MYO3B: variants seen among roughly 807,000 people sequenced by gnomAD.
The protein encoded by MYO3B is myosin IIIB, also known as myosin-IIIb.
Under a neutral mutation model 174.6 loss-of-function variants are expected in MYO3B, and 156 were observed. That is an observed-to-expected ratio of 0.89 (90% CI 0.78 to 1.02). MYO3B has a LOEUF of 1.02. MYO3B is among the 50% of genes least tolerant of loss of function. The pLI is 0.00. For synonymous variants in MYO3B, 563 were observed against 569.1 expected (o/e 0.99, Z 0.15); for missense variants, 1,632 against 1,639.4 (o/e 1.00, Z 0.08).
At chr2:170,331,107 C>G (rs1334457547) in intron 7 of MYO3B, among the ~76,000 whole-genome samples, 1 of 152,078 alleles carries the variant, frequency 6.6e-6, no homozygotes, top group Non-Finnish European at 1.5e-5. Flanking sequence ...GGCCCTGAGG[C>G]ATGAAAGAAT....
chr2:170,535,023 T>C (rs1674782387), intron 30 of MYO3B, among the ~76,000 whole-genome samples: 1 of 152,218 alleles, frequency 6.6e-6, no homozygotes, highest in South Asian at 2.1e-4. Flanking sequence ...TTGCAGACCC[T>C]GCCTCCAATA....
At chr2:170,350,005 A>AT (rs1212353318) in intron 8 of MYO3B, among the ~76,000 whole-genome samples, 23 of 150,526 alleles carry the variant, frequency 1.5e-4, no homozygotes, top group Middle Eastern at 6.8e-3. Flanking sequence ...ACAACTGAAC[A>AT]TTTTTTTTTC....
chr2:170,380,163 AT>A lies in MYO3B; in HGVS notation c.972-1852del, dbSNP rs147783980. ...GATATCCTCATAAGCTGTGATGTTG[AT>A]GGGCACAAAAGTGACAGAGAAGAAT... On this transcript the variant is annotated intron_variant, in intron 9 of 34. Transcript: ENST00000408978. Among the ~76,000 whole-genome samples, 627 of 152,340 alleles carry A rather than the reference AT, an allele frequency of 4.1e-3. 5 individuals carry two copies. Among genetic ancestry groups the A allele is most frequent in the African/African-American group, 0.014 (586 of 41,576 alleles).
intron 3 of MYO3B, among the ~76,000 whole-genome samples, chr2:170,204,371 C>T (rs2092694312): frequency 6.6e-6 from 1 of 152,178 alleles, no homozygotes; most frequent in Non-Finnish European, 1.5e-5. Context: ...CCTCTTAATT[C>T]TGCAAACTGA....
At chr2:170,331,462 G>T (rs1170298421) in intron 7 of MYO3B, among the ~76,000 whole-genome samples, 1 of 152,096 alleles carries the variant, frequency 6.6e-6, no homozygotes, top group Non-Finnish European at 1.5e-5. Context: ...TGAAAGAGGG[G>T]ACAGGTTATG....
intron 22 of MYO3B, among the ~76,000 whole-genome samples, chr2:170,417,203 G>A (rs941833024): frequency 1.3e-5 from 2 of 152,198 alleles, no homozygotes; most frequent in East Asian, 3.9e-4. Flanking sequence ...CCAATGGAAA[G>A]TAGCCCCTCT....
In MYO3B at chr2:170,381,866, G is replaced by A. The variant is rs964381475; in HGVS notation, c.972-150G>A. 8 of 585,614 alleles carry A rather than the reference G, an allele frequency of 1.4e-5. No individual in the cohort carries two copies. The East Asian group carries it at 2.0e-4, about 14-fold the overall frequency. 36.3% of individuals were successfully genotyped at this position (585,614 alleles called of 1,614,324 possible). On this transcript the variant is annotated intron_variant, in intron 9 of 34. Coordinates refer to ENST00000408978, the MANE Select transcript of MYO3B (RefSeq NM_138995.5). Reference sequence around the variant, plus strand: ...CAATAGTTCTACAGTGGCAGGAAAAGCCTGGGGACCTGGACTGGACTTCCT... The same window carrying A: ...CAATAGTTCTACAGTGGCAGGAAAAACCTGGGGACCTGGACTGGACTTCCT...
At chr2:170,363,468 G>A (rs1188897252) in intron 8 of MYO3B, among the ~76,000 whole-genome samples, 1 of 152,100 alleles carries the variant, frequency 6.6e-6, no homozygotes, top group African/African-American at 2.4e-5. Flanking sequence ...GCTGTGTCAC[G>A]ACAGCATTAT....
At chr2:170,644,062 T>A (rs1193267339) in intron 32 of MYO3B, 1 of 152,218 alleles carries the variant, frequency 6.6e-6, no homozygotes, top group Middle Eastern at 3.2e-3. Context: ...AGACATTTTC[T>A]TCTTCATCTC....
At chr2:170,384,370 T>C (rs770724535) in intron 12 of MYO3B, among the ~76,000 whole-genome samples, 3 of 152,202 alleles carry the variant, frequency 2.0e-5, no homozygotes, top group African/African-American at 4.8e-5. Context: ...CTAATTCACA[T>C]TGCTCATATA....
At chr2:170,606,293 A>G (rs963499529) in intron 32 of MYO3B, among the ~76,000 whole-genome samples, 20 of 152,128 alleles carry the variant, frequency 1.3e-4, no homozygotes, top group Non-Finnish European at 2.5e-4. Context: ...TTTACCTCAC[A>G]TCATGATCCC....
intron 25 of MYO3B, among the ~76,000 whole-genome samples, chr2:170,469,591 ACTCT>A (rs1246747871): frequency 6.6e-6 from 1 of 150,902 alleles, no homozygotes; most frequent in African/African-American, 2.4e-5. Context: ...CTGTTCCTTC[ACTCT>A]CTCTCTTCCA....
chr2:170,527,777 AAC>A (rs1689097721), intron 30 of MYO3B, among the ~76,000 whole-genome samples: 1 of 152,242 alleles, frequency 6.6e-6, no homozygotes, highest in Non-Finnish European at 1.5e-5. Context: ...AACCATAGGA[AAC>A]GTTTAGATGA....
intron 12 of MYO3B, among the ~76,000 whole-genome samples, chr2:170,384,729 T>TAA (rs1200515274): frequency 4.6e-5 from 7 of 152,214 alleles, no homozygotes; most frequent in African/African-American, 1.7e-4. Context: ...TGCCTCACTG[T>TAA]GTTGTCTTTT....
chr2:170,288,184 A>C (rs1559361451), intron 7 of MYO3B, among the ~76,000 whole-genome samples: 1 of 150,928 alleles, frequency 6.6e-6, no homozygotes, highest in South Asian at 2.1e-4. Context: ...CTTTTTGCTC[A>C]GGACTGATTT....
At chr2:170,188,390 A>C (rs1001551297) in intron 1 of MYO3B, among the ~76,000 whole-genome samples, 8 of 152,260 alleles carry the variant, frequency 5.3e-5, no homozygotes, top group African/African-American at 1.4e-4. Context: ...TCTTGTAGGC[A>C]GCAGATCATT....
intron 7 of MYO3B, among the ~76,000 whole-genome samples, chr2:170,307,508 A>G (rs1366298973): frequency 6.6e-6 from 1 of 152,196 alleles, no homozygotes; most frequent in East Asian, 1.9e-4. Context: ...TCAGTGGTAC[A>G]TGTGATCCTC....
At chr2:170,384,689 G>A (rs539759774) in intron 12 of MYO3B, among the ~76,000 whole-genome samples, 3 of 152,180 alleles carry the variant, frequency 2.0e-5, no homozygotes, top group Non-Finnish European at 4.4e-5. Context: ...TAAATGGAGA[G>A]AAATATATAT....
intron 32 of MYO3B, among the ~76,000 whole-genome samples, chr2:170,585,869 T>C (rs1476130632): frequency 6.6e-6 from 1 of 152,136 alleles, no homozygotes; most frequent in Non-Finnish European, 1.5e-5. Context: ...CTGGCTAACA[T>C]GGCGAAACCC....
Sources: allele counts gnomAD v4.1 joint callset (sites outside exome capture counted in the v4.1 genomes callset), GRCh38; gene constraint gnomAD v4.1.1; transcripts MANE v1.5; gene names NCBI Gene and HGNC (gene_info 2026-07-23, HGNC 2026-07-21).